The following STMN2 variants were observed in gnomAD, a reference collection of about 807,000 sequenced individuals.
The protein encoded by STMN2 is stathmin-2.
STMN2 carries 2 observed loss-of-function variants against 24.1 expected under a neutral mutation model. That is an observed-to-expected ratio of 0.08 (90% confidence interval 0.03 to 0.26). The LOEUF (loss-of-function observed/expected upper bound fraction) is 0.26, where lower values mean the gene tolerates loss of function less well. Ranked by LOEUF, STMN2 falls within the 10% of genes least tolerant of loss-of-function variation. The pLI, the probability that STMN2 is intolerant of heterozygous loss-of-function variation, is 1.00. For synonymous variants in STMN2, 83 were observed against 77.5 expected (o/e 1.07, Z -0.37); for missense variants, 114 against 213.6 (o/e 0.53, Z 2.91).
intron 3 of STMN2, among the ~76,000 whole-genome samples, chr8:79,649,212 G>A (rs928917028): frequency 1.4e-4 from 21 of 151,962 alleles, no homozygotes; most frequent in African/African-American, 4.8e-4. Context: ...CAAAGTACTG[G>A]ATTATTCACC....
chr8:79,628,747 A>G (rs1458276612), intron 1 of STMN2, among the ~76,000 whole-genome samples: 3 of 152,150 alleles, frequency 2.0e-5, no homozygotes, highest in African/African-American at 4.8e-5. Context: ...CACTTCTCAG[A>G]GGAGCTTTCA....
Position 79,665,208 on chromosome 8 carries a change from G to A in STMN2, c.*334G>A, listed in dbSNP as rs940584951. On this transcript the variant is annotated 3_prime_UTR_variant, in exon 5 of 5. Transcript: ENST00000220876. Reference sequence around the variant, plus strand: ...TGTGTCTTTCCACTCAAATGAATTTGCTAGGTCTGTTCTTTTTGAAGCTCC... The same window carrying A: ...TGTGTCTTTCCACTCAAATGAATTTACTAGGTCTGTTCTTTTTGAAGCTCC... 1 of 184,762 alleles carries A rather than the reference G, an allele frequency of 5.4e-6. No homozygotes were observed. Among genetic ancestry groups the A allele is most frequent in the African/African-American group, 2.4e-5 (1 of 41,754 alleles). 11.4% of individuals were successfully genotyped at this position (184,762 alleles called of 1,614,324 possible).
intron 3 of STMN2, 109 bp downstream of exon 3, chr8:79,641,659 CA>C: frequency 1.2e-6 from 1 of 809,052 alleles, no homozygotes; most frequent in Non-Finnish European, 1.9e-6. Flanking sequence ...CACACACACA[CA>C]CACACACACA....
intron 1 of STMN2, among the ~76,000 whole-genome samples, chr8:79,613,157 C>A (rs917127445): frequency 6.6e-6 from 1 of 151,316 alleles, no homozygotes; most frequent in African/African-American, 2.4e-5. Context: ...CCAGCCCAAG[C>A]CCCCCGCCCA....
intron 3 of STMN2, among the ~76,000 whole-genome samples, chr8:79,647,563 A>G (rs1379912706): frequency 6.6e-6 from 1 of 152,184 alleles, no homozygotes; most frequent in Non-Finnish European, 1.5e-5. Flanking sequence ...ATGTTTTGGC[A>G]ATGTCCCCAC....
chr8:79,612,031 A>ATGCGGACAGCCCCACCCAG (rs1361638551), intron 1 of STMN2, among the ~76,000 whole-genome samples: 2 of 152,080 alleles, frequency 1.3e-5, no homozygotes, highest in African/African-American at 4.8e-5. Context: ...TGGGCGCACA[A>ATGCGGACAGCCCCACCCAG]TGCGGACAGC....
At chr8:79,635,460 G>A (rs925281610) in intron 1 of STMN2, among the ~76,000 whole-genome samples, 2 of 152,244 alleles carry the variant, frequency 1.3e-5, no homozygotes, top group South Asian at 4.1e-4. Context: ...GTGCTTGTAT[G>A]TTCATGGCAG....
At chr8:79,624,552 G>T (rs1429119987) in intron 1 of STMN2, among the ~76,000 whole-genome samples, 1 of 148,384 alleles carries the variant, frequency 6.7e-6, no homozygotes, top group Non-Finnish European at 1.5e-5. Flanking sequence ...TAGCTGAAAA[G>T]AATAAAAACC....
intron 1 of STMN2, among the ~76,000 whole-genome samples, chr8:79,615,585 T>G (rs1033321313): frequency 2.6e-5 from 4 of 152,242 alleles, no homozygotes; most frequent in Non-Finnish European, 2.9e-5. Flanking sequence ...AAAACCTCGG[T>G]GTCTGCATTA....
At chr8:79,628,640 A>G (rs148840259) in intron 1 of STMN2, among the ~76,000 whole-genome samples, 63 of 152,242 alleles carry the variant, frequency 4.1e-4, no homozygotes, top group African/African-American at 1.3e-3. Flanking sequence ...TTTGATTTGC[A>G]TTTCCCTGAT....
chr8:79,662,124 A>G (rs1806515318), intron 4 of STMN2, among the ~76,000 whole-genome samples: 1 of 152,126 alleles, frequency 6.6e-6, no homozygotes, highest in Admixed American at 6.6e-5. Flanking sequence ...ATGAAATCAG[A>G]GGAAAGAATT....
At chr8:79,635,347 G>C (rs995725515) in intron 1 of STMN2, among the ~76,000 whole-genome samples, 1 of 152,138 alleles carries the variant, frequency 6.6e-6, no homozygotes, top group African/African-American at 2.4e-5. Flanking sequence ...TGTAGAAAGA[G>C]GGAGAGACAA....
chr8:79,611,243 G>T (rs1300117638), intron 1 of STMN2, 29 bp downstream of exon 1: 1 of 1,613,702 alleles, frequency 6.2e-7, no homozygotes, highest in Non-Finnish European at 8.5e-7. Flanking sequence ...TTCTCCGTCG[G>T]CTCTACCTGG....
intron 4 of STMN2, among the ~76,000 whole-genome samples, 179 bp downstream of exon 4, chr8:79,655,241 G>A (rs1216532842): frequency 6.6e-6 from 1 of 152,114 alleles, no homozygotes; most frequent in Non-Finnish European, 1.5e-5. Context: ...CAACATGGTA[G>A]AGAAATGGGA....
intron 4 of STMN2, among the ~76,000 whole-genome samples, chr8:79,658,729 C>T (rs768704958): frequency 1.3e-5 from 2 of 152,206 alleles, no homozygotes; most frequent in African/African-American, 4.8e-5. Context: ...GAGAATTGAG[C>T]ATTCAAGCAT....
At position 79,664,772 on chromosome 8, in the gene STMN2, A is replaced by G. The variant is rs767983909; in HGVS notation, c.481-43A>G. ...GCGCATGGTACGCAAAGGACCAGAC[A>G]AAAAGGGCCTGTGACATTTCTTCTT... On this transcript the variant is annotated intron_variant, in intron 4 of 4. Coordinates refer to ENST00000220876, the MANE Select transcript of STMN2 (RefSeq NM_007029.4). 7 of 1,603,694 alleles carry G rather than the reference A, an allele frequency of 4.4e-6. No individual in the cohort carries two copies. In the Admixed American group the frequency reaches 1.2e-4, roughly 27 times the overall value.
At chr8:79,643,730 T>G (rs1035840748) in intron 3 of STMN2, among the ~76,000 whole-genome samples, 1 of 152,130 alleles carries the variant, frequency 6.6e-6, no homozygotes, top group African/African-American at 2.4e-5. Context: ...AGCAAGAAAT[T>G]ATCAATGATT....
intron 1 of STMN2, chr8:79,613,388 A>C (rs1216666998): frequency 2.0e-6 from 2 of 985,204 alleles, no homozygotes; most frequent in African/African-American, 3.5e-5. Flanking sequence ...CCCTCCCCGG[A>C]GTTGGGCGCT....
chr8:79,627,900 T>C (rs181278615), intron 1 of STMN2, among the ~76,000 whole-genome samples: 2 of 152,316 alleles, frequency 1.3e-5, no homozygotes, highest in African/African-American at 4.8e-5. Context: ...CATAATGTCC[T>C]TCAGGCTTAT....
Sources: allele counts gnomAD v4.1 joint callset (sites outside exome capture counted in the v4.1 genomes callset), GRCh38; gene constraint gnomAD v4.1.1; transcripts MANE v1.5; gene names NCBI Gene and HGNC (gene_info 2026-07-23, HGNC 2026-07-21).